The following CFH variants were observed in gnomAD, a reference collection of about 807,000 sequenced individuals.
The protein encoded by CFH is complement factor H.
Under a neutral mutation model 147.3 loss-of-function variants are expected in CFH, and 53 were observed. The ratio of observed to expected loss-of-function variants is 0.36; its 90% CI spans 0.29 to 0.45. CFH has a LOEUF of 0.45. Ranked by LOEUF, CFH falls within the 20% of genes least tolerant of loss-of-function variation. The probability of loss-of-function intolerance (pLI) is 1.00; values close to 1 mark genes in which losing one functional copy is unlikely to be tolerated. For synonymous variants in CFH, 536 were observed against 489.4 expected (o/e 1.10, Z -1.26); for missense variants, 1,380 against 1,498.0 (o/e 0.92, Z 1.30).
At chr1:196,658,232 A>G (rs898691295) in intron 1 of CFH, among the ~76,000 whole-genome samples, 2 of 151,750 alleles carry the variant, frequency 1.3e-5, no homozygotes, top group Non-Finnish European at 2.9e-5. Flanking sequence ...CTAAAAAAAA[A>G]CTTGATTTTG....
At chr1:196,733,282 C>T (rs1272338642) in intron 15 of CFH, among the ~76,000 whole-genome samples, 1 of 152,032 alleles carries the variant, frequency 6.6e-6, no homozygotes, top group African/African-American at 2.4e-5. Context: ...TGCCCTAAGC[C>T]CTTTCGACAG....
At chr1:196,692,517 C>T (rs1461925276) in intron 9 of CFH, 5 of 163,722 alleles carry the variant, frequency 3.1e-5, no homozygotes, top group African/African-American at 7.3e-5. Context: ...TTCTTTCCTT[C>T]CTTCCTTCCT....
chr1:196,691,678 G>A (rs1006464473), intron 9 of CFH, among the ~76,000 whole-genome samples: 6 of 151,644 alleles, frequency 4.0e-5, no homozygotes, highest in African/African-American at 1.2e-4. Context: ...TTAATTATAC[G>A]TAATGCAAAT....
Position 196,677,643 on chromosome 1 carries a change from A to G in CFH, c.595A>G (p.Ser199Gly). Residue 199 changes from serine (S) to glycine (G), a missense_variant, in exon 5 of 22, where the codon AGT (serine) becomes GGT (glycine). Ser to Gly is a moderately conservative substitution (Grantham distance 56, BLOSUM62 0). Around this residue, in one of 4 missense-constraint regions of CFH, gnomAD observed 260 missense variants for 263.3 expected, o/e 0.99. Coordinates refer to ENST00000367429, the MANE Select transcript of CFH (RefSeq NM_000186.4). ...GCATTGTTCAGACGATGGTTTTTGG[A>G]GTAAAGAGAAACCAAAGTGTGTGGG... is the stretch of plus-strand genomic sequence containing the variant. ...EMHCSDDGFWSKEKPKCVEIS... is the reference protein window; with the variant it reads ...EMHCSDDGFWGKEKPKCVEIS... 1.9e-6 allele frequency: 3 copies of G among 1,613,038 alleles called. No homozygotes were observed. Among genetic ancestry groups the G allele is most frequent in the Non-Finnish European group, 2.5e-6 (3 of 1,179,224 alleles).
In CFH at chr1:196,678,381, A is replaced by T. The variant is rs1054416466; in HGVS notation, c.619+714A>T. Reference sequence around the variant, plus strand: ...AAACATCGTGGTTGATTTGTTTAGTAGTACCATAGTTCAAGTTCATTTTAC... The same window carrying T: ...AAACATCGTGGTTGATTTGTTTAGTTGTACCATAGTTCAAGTTCATTTTAC... On this transcript the variant is annotated intron_variant, in intron 5 of 21. Coordinates refer to ENST00000367429, the MANE Select transcript of CFH (RefSeq NM_000186.4). The T allele has an allele frequency of 1.2e-4, 18 of 152,052 alleles. 1 individual carries two copies. The allele number at this position is 152,052 out of a possible 1,614,324, so 9.4% of individuals were successfully genotyped here.
rs761904009 is a variant in CFH at position 196,728,438 on chromosome 1, A to G, written c.2329A>G (p.Ile777Val). 7 of 1,611,982 alleles carry G rather than the reference A, an allele frequency of 4.3e-6. No individual in the cohort carries two copies. Among genetic ancestry groups the G allele is most frequent in the South Asian group, 2.2e-5 (2 of 90,914 alleles). ...NKKEFDHNSN[I>V]RYRCRGKEGW... ...GAAGGAATTCGATCATAATTCTAAC[A>G]TAAGGTACAGATGTAGAGGAAAAGA... The change falls in exon 15 of 22, where the codon ATA becomes GTA. Residue 777 changes from isoleucine to valine, a missense_variant. Ile to Val is a conservative substitution (Grantham distance 29, BLOSUM62 3). This residue lies in a region of CFH where 830 missense variants were observed against 821.4 expected (regional missense o/e 1.01). Coordinates refer to ENST00000367429, the MANE Select transcript of CFH (RefSeq NM_000186.4).
In CFH at chr1:196,741,812, A is replaced by G. The variant is rs1208128168; in HGVS notation, c.2957-63A>G. On this transcript the variant is annotated intron_variant, in intron 18 of 21. Coordinates refer to ENST00000367429, the MANE Select transcript of CFH (RefSeq NM_000186.4). ...ATATCGCTATTTTAGAATCCATTAC[A>G]TGTATTGTATGTAACCTATTTTTAA... The G allele has an allele frequency of 1.4e-6, 2 of 1,439,278 alleles. 1 individual carries two copies. The highest frequency in any genetic ancestry group is 2.3e-5 in the South Asian group (2 of 87,008). 89.2% of individuals were successfully genotyped at this position (1,439,278 alleles called of 1,614,324 possible). A position where few individuals can be genotyped will look rare whatever the true frequency, so the allele number is the denominator to read the frequency against.
In CFH at chr1:196,747,234, G is replaced by C. The variant is rs959443903; in HGVS notation, c.3617G>C (p.Arg1206Pro). The C allele has an allele frequency of 6.2e-7, 1 of 1,613,938 alleles. No individual in the cohort carries two copies. The highest frequency in any genetic ancestry group is 8.5e-7 in the Non-Finnish European group (1 of 1,179,896). The change falls in exon 22 of 22, where the codon CGT becomes CCT. Residue 1206 changes from arginine to proline, a missense_variant. By Grantham distance (103) the Arg-to-Pro change is moderately radical. This residue lies in a region of CFH where 123 missense variants were observed against 185.3 expected (regional missense o/e 0.66). Coordinates refer to ENST00000367429, the MANE Select transcript of CFH (RefSeq NM_000186.4). ...GAATTTGTGTGTAAACGGGGATATC[G>C]TCTTTCATCACGTTCTCACACATTG... ...SVEFVCKRGY[R>P]LSSRSHTLRT...
chr1:196,728,272 T>C (rs762642634), intron 14 of CFH, 74 bp from the exon 15 acceptor site: 3 of 1,047,090 alleles, frequency 2.9e-6, no homozygotes, highest in Non-Finnish European at 2.7e-6. Context: ...CTATTTACTT[T>C]ATAACTATTT....
At position 196,725,159 on chromosome 1, in the gene CFH, G is replaced by A. The variant is rs532344479; in HGVS notation, c.1735G>A (p.Val579Ile). 2.6e-5 allele frequency: 42 copies of A among 1,613,706 alleles called. 1 individual carries two copies. In the East Asian group the frequency reaches 5.6e-4, roughly 21 times the overall value. ...CELPKIDVHL[V>I]PDRKKDQYKV... ...ACTTCCTAAAATAGATGTACACTTAGTTCCTGATCGCAAGAAAGACCAGTA... is the reference window on the plus strand; with the variant it reads ...ACTTCCTAAAATAGATGTACACTTAATTCCTGATCGCAAGAAAGACCAGTA... The change falls in exon 12 of 22, where the codon GTT becomes ATT. Residue 579 changes from valine (V) to isoleucine (I), a missense_variant. Physicochemically the swap from Val to Ile is conservative, Grantham distance 29. Coordinates refer to ENST00000367429, the MANE Select transcript of CFH (RefSeq NM_000186.4).
intron 9 of CFH, among the ~76,000 whole-genome samples, chr1:196,694,373 A>G (rs58452109): frequency 0.023 from 3,548 of 152,270 alleles, 150 homozygotes; most frequent in African/African-American, 0.08. Flanking sequence ...CATGGTGTAT[A>G]TGTGCCACAT....
intron 9 of CFH, among the ~76,000 whole-genome samples, chr1:196,707,731 C>T (rs1480017206): frequency 2.0e-5 from 3 of 152,112 alleles, no homozygotes; most frequent in Admixed American, 6.5e-5. Flanking sequence ...TTTGATGGGC[C>T]TCAAATATCT....
intron 9 of CFH, among the ~76,000 whole-genome samples, chr1:196,705,178 C>T (rs935998350): frequency 6.8e-6 from 1 of 146,962 alleles, no homozygotes; most frequent in Non-Finnish European, 1.5e-5. Flanking sequence ...GCAAATTGAC[C>T]AGAATATTAT....
At chr1:196,668,782 CT>C (rs368966507) in intron 1 of CFH, among the ~76,000 whole-genome samples, 4 of 152,072 alleles carry the variant, frequency 2.6e-5, no homozygotes, top group Non-Finnish European at 5.9e-5. Flanking sequence ...GTTTAAACTT[CT>C]TTTTTTATGA....
chr1:196,741,791 C>A, intron 18 of CFH, 84 bp from the exon 19 acceptor site: 2 of 1,243,476 alleles, frequency 1.6e-6, no homozygotes, highest in Non-Finnish European at 2.4e-6. Flanking sequence ...TTCTATATAT[C>A]GCTATTTTAG....
At chr1:196,692,789 T>C (rs1558163714) in intron 9 of CFH, among the ~76,000 whole-genome samples, 3 of 92,490 alleles carry the variant, frequency 3.2e-5, no homozygotes, top group African/African-American at 1.7e-4. Context: ...TTTCTTTCTT[T>C]CTTTCTTTCT....
intron 15 of CFH, among the ~76,000 whole-genome samples, chr1:196,732,169 C>T (rs897729323): frequency 1.3e-5 from 2 of 151,978 alleles, no homozygotes; most frequent in South Asian, 4.1e-4. Context: ...GCTATCTTCA[C>T]TTTTATTTAT....
intron 1 of CFH, among the ~76,000 whole-genome samples, chr1:196,656,847 C>T (rs1417704327): frequency 6.6e-6 from 1 of 152,114 alleles, no homozygotes; most frequent in African/African-American, 2.4e-5. Flanking sequence ...CTGATAGTAT[C>T]TTGTTTTATC....
At chr1:196,717,041 C>T (rs1204119332) in intron 11 of CFH, among the ~76,000 whole-genome samples, 2 of 151,544 alleles carry the variant, frequency 1.3e-5, no homozygotes, top group East Asian at 1.9e-4. Context: ...ATATATAAGA[C>T]AGAAGAGCAA....
Sources: gnomAD v4.1 joint callset for allele counts (sites outside exome capture counted in the v4.1 genomes callset) on GRCh38, gnomAD v4.1.1 for gene constraint, gnomAD v4.1.1 regional missense constraint, MANE v1.5 for transcripts, NCBI Gene and HGNC (gene_info 2026-07-23, HGNC 2026-07-21) for gene names.